The following LHFPL3 variants were observed in gnomAD, a reference collection of about 807,000 sequenced individuals.
LHFPL3 encodes LHFPL tetraspan subfamily member 3 protein.
In LHFPL3, 5 loss-of-function variants were observed where a neutral mutation model predicts 19.3. The observed-to-expected ratio is 0.26, with a 90% CI of 0.14 to 0.54. The LOEUF (loss-of-function observed/expected upper bound fraction) is 0.54, where lower values mean the gene tolerates loss of function less well. Among genes scored for constraint, LHFPL3 ranks in the 20% least tolerant of loss-of-function variants. The pLI, the probability that LHFPL3 is intolerant of heterozygous loss-of-function variation, is 0.94. For synonymous variants in LHFPL3, 133 were observed against 126.2 expected, an observed-to-expected ratio of 1.05 and a Z score of -0.36; for missense variants, 249 against 307.4, an observed-to-expected ratio of 0.81 and a Z score of 1.42.
intron 2 of LHFPL3, among the ~76,000 whole-genome samples, chr7:104,884,396 C>T (rs1473722960): frequency 1.3e-5 from 2 of 152,184 alleles, no homozygotes; most frequent in African/African-American, 2.4e-5. Flanking sequence ...TCCTCTACCT[C>T]GGTATTTCCC....
intron 1 of LHFPL3, among the ~76,000 whole-genome samples, chr7:104,629,334 A>G (rs774344093): frequency 2.0e-5 from 3 of 152,146 alleles, no homozygotes; most frequent in African/African-American, 2.4e-5. Flanking sequence ...CCTTCTGGAA[A>G]GTTGGCTACT....
intron 1 of LHFPL3, among the ~76,000 whole-genome samples, chr7:104,529,750 G>C (rs1794260726): frequency 6.6e-6 from 1 of 152,184 alleles, no homozygotes; most frequent in Non-Finnish European, 1.5e-5. Context: ...TGGTGAGTCA[G>C]AACAGGGATG....
chr7:104,810,498 G>A (rs532829646), intron 2 of LHFPL3, among the ~76,000 whole-genome samples: 19 of 152,248 alleles, frequency 1.2e-4, no homozygotes, highest in African/African-American at 2.6e-4. Flanking sequence ...TCATTCTCCC[G>A]CTGTACTTTG....
chr7:104,389,644 G>A lies in LHFPL3; in HGVS notation c.445+60420G>A, dbSNP rs147529372. ...AAAGCTACATTATTTAAGACAGTGTGGTTCTGACATAAGGATAGACATATA... is the reference window on the plus strand; with the variant it reads ...AAAGCTACATTATTTAAGACAGTGTAGTTCTGACATAAGGATAGACATATA... On this transcript the variant is annotated intron_variant, in intron 1 of 2. Transcript: ENST00000424859. 4.6e-5 allele frequency among the ~76,000 whole-genome samples: 7 copies of A among 152,252 alleles called. No individual in the cohort carries two copies. In the South Asian group the frequency reaches 1.5e-3, roughly 32 times the overall value.
At chr7:104,435,282 G>A (rs953362124) in intron 1 of LHFPL3, among the ~76,000 whole-genome samples, 10 of 151,900 alleles carry the variant, frequency 6.6e-5, no homozygotes, top group Non-Finnish European at 1.2e-4. Context: ...AGCTGGGACT[G>A]CAGGCATGTG....
At chr7:104,514,531 G>C (rs759982666) in intron 1 of LHFPL3, among the ~76,000 whole-genome samples, 4 of 152,160 alleles carry the variant, frequency 2.6e-5, no homozygotes, top group Non-Finnish European at 5.9e-5. Context: ...AGTCTGTTTA[G>C]AAACATGATG....
intron 1 of LHFPL3, among the ~76,000 whole-genome samples, chr7:104,734,896 G>T (rs972352595): frequency 6.6e-6 from 1 of 152,170 alleles, no homozygotes; most frequent in Admixed American, 6.5e-5. Flanking sequence ...ATGGGGTTTT[G>T]GTGTGGATGG....
intron 1 of LHFPL3, among the ~76,000 whole-genome samples, chr7:104,729,788 C>T (rs1793659666): frequency 6.6e-6 from 1 of 151,976 alleles, no homozygotes; most frequent in Non-Finnish European, 1.5e-5. Flanking sequence ...GGTACATGTG[C>T]ACAACATGCA....
chr7:104,430,126 T>C (rs1791927837), intron 1 of LHFPL3, among the ~76,000 whole-genome samples: 1 of 142,210 alleles, frequency 7.0e-6, no homozygotes, highest in South Asian at 2.1e-4. Context: ...GTTAAAGACG[T>C]TCTTTTAAAA....
At chr7:104,382,086 A>G (rs1189780334) in intron 1 of LHFPL3, among the ~76,000 whole-genome samples, 2 of 152,160 alleles carry the variant, frequency 1.3e-5, no homozygotes, top group African/African-American at 2.4e-5. Flanking sequence ...CTGTCTTACT[A>G]TATTGTGGCT....
intron 2 of LHFPL3, among the ~76,000 whole-genome samples, chr7:104,840,553 A>G (rs1791183085): frequency 7.5e-6 from 1 of 133,592 alleles, no homozygotes; most frequent in East Asian, 2.5e-4. Context: ...TCCTGAGCTC[A>G]AGTGATCCTC....
chr7:104,365,801 A>AAAAAAAGAAAAG (rs893610992), intron 1 of LHFPL3, among the ~76,000 whole-genome samples: 3 of 142,256 alleles, frequency 2.1e-5, no homozygotes, highest in Admixed American at 7.0e-5. Flanking sequence ...AAAAAAAAAA[A>AAAAAAAGAAAAG]AAAAGAAAAG....
chr7:104,329,897 G>A (rs563568028), intron 1 of LHFPL3, among the ~76,000 whole-genome samples: 40 of 152,322 alleles, frequency 2.6e-4, no homozygotes, highest in Admixed American at 1.8e-3. Context: ...TCCGTGCAAA[G>A]TTCCTTCCAT....
At chr7:104,864,143 A>G (rs1040976908) in intron 2 of LHFPL3, among the ~76,000 whole-genome samples, 1 of 152,260 alleles carries the variant, frequency 6.6e-6, no homozygotes, top group Non-Finnish European at 1.5e-5. Context: ...GGGAGCCAAG[A>G]TGGCCGAATA....
In LHFPL3 at chr7:104,832,028, T is replaced by C. The variant is rs972171380; in HGVS notation, c.683-74159T>C. On this transcript the variant is annotated intron_variant, in intron 2 of 2. Coordinates refer to ENST00000424859, the MANE Select transcript of LHFPL3 (RefSeq NM_199000.3). ...CTAATGATGTGGGCACTATGTAAAA[T>C]TTGCAACCTCCTTTCTTCTTCTATT... Among the ~76,000 whole-genome samples, 11 of 151,942 alleles carry C rather than the reference T, an allele frequency of 7.2e-5. No individual in the cohort carries two copies. The East Asian group carries it at 2.1e-3, about 29-fold the overall frequency.
intron 2 of LHFPL3, among the ~76,000 whole-genome samples, chr7:104,902,710 A>G (rs1792514252): frequency 6.6e-6 from 1 of 152,082 alleles, no homozygotes; most frequent in African/African-American, 2.4e-5. Context: ...CGCTTGAACC[A>G]GGGAGGCGGA....
At chr7:104,517,010 G>A (rs990808017) in intron 1 of LHFPL3, among the ~76,000 whole-genome samples, 10 of 152,118 alleles carry the variant, frequency 6.6e-5, no homozygotes, top group African/African-American at 2.4e-4. Flanking sequence ...GATGGAGCCG[G>A]AGGTCAATAT....
At chr7:104,682,489 T>C (rs552467910) in intron 1 of LHFPL3, among the ~76,000 whole-genome samples, 1 of 152,218 alleles carries the variant, frequency 6.6e-6, no homozygotes, top group Non-Finnish European at 1.5e-5. Flanking sequence ...AGAACCTAAG[T>C]GCCCAACATA....
At chr7:104,508,515 C>T (rs549756440) in intron 1 of LHFPL3, among the ~76,000 whole-genome samples, 40 of 149,882 alleles carry the variant, frequency 2.7e-4, no homozygotes, top group Non-Finnish European at 5.2e-4. Flanking sequence ...TGCTAGATGA[C>T]GAGTTAGTGG....
Sources: gnomAD v4.1 joint callset for allele counts (sites outside exome capture counted in the v4.1 genomes callset) on GRCh38, gnomAD v4.1.1 for gene constraint, MANE v1.5 for transcripts, NCBI Gene and HGNC (gene_info 2026-07-23, HGNC 2026-07-21) for gene names.